TMEM114: variants seen among roughly 807,000 people sequenced by gnomAD.
TMEM114 encodes transmembrane protein 114.
In TMEM114, 6 loss-of-function variants were observed where a neutral mutation model predicts 6.2. That is an observed-to-expected ratio of 0.97 (90% confidence interval 0.53 to 1.91). TMEM114 has a LOEUF of 1.91. Ranked by LOEUF, TMEM114 falls within the 40% of genes most tolerant of loss-of-function variation. TMEM114 has a pLI of 0.01. For synonymous variants in TMEM114, 104 were observed against 73.0 expected, an observed-to-expected ratio of 1.42 and a Z score of -2.16; for missense variants, 218 against 158.3, an observed-to-expected ratio of 1.38 and a Z score of -2.02.
At chr16:8,540,595 G>A (rs921057184) in intron 2 of TMEM114, among the ~76,000 whole-genome samples, 3 of 132,674 alleles carry the variant, frequency 2.3e-5, no homozygotes, top group Non-Finnish European at 4.9e-5. Flanking sequence ...CTTGGGAGTT[G>A]ATAAGAACAG....
At chr16:8,551,345 T>C (rs573177060) in intron 2 of TMEM114, among the ~76,000 whole-genome samples, 1 of 152,282 alleles carries the variant, frequency 6.6e-6, no homozygotes. Flanking sequence ...GAATCCAAGC[T>C]CCAGCCCCTA....
the TMEM114 span, among the ~76,000 whole-genome samples, chr16:8,532,527 A>C: frequency 2.0e-5 from 3 of 152,194 alleles, no homozygotes; most frequent in Non-Finnish European, 1.5e-5. Flanking sequence ...CAAACACCTT[A>C]CTAAAATTAC....
intron 2 of TMEM114, among the ~76,000 whole-genome samples, chr16:8,579,377 T>C (rs1207232012): frequency 6.6e-6 from 1 of 152,210 alleles, no homozygotes; most frequent in Non-Finnish European, 1.5e-5. Context: ...ACCTTGTCAG[T>C]GTGACTTTGA....
downstream of TMEM114, among the ~76,000 whole-genome samples, chr16:8,535,644 C>G (rs1449082635): frequency 6.6e-6 from 1 of 152,156 alleles, no homozygotes; most frequent in South Asian, 2.1e-4. Flanking sequence ...AGGCACTGAT[C>G]TTATGAGTTC....
intron 2 of TMEM114, among the ~76,000 whole-genome samples, chr16:8,558,685 C>T (rs541010106): frequency 3.3e-5 from 5 of 152,132 alleles, no homozygotes; most frequent in African/African-American, 1.2e-4. Flanking sequence ...TTCACCCCAC[C>T]TCTCAGGGCC....
At chr16:8,573,068 T>C (rs1901789704) in intron 2 of TMEM114, among the ~76,000 whole-genome samples, 2 of 152,202 alleles carry the variant, frequency 1.3e-5, no homozygotes, top group African/African-American at 4.8e-5. Flanking sequence ...CTTTCTGGGT[T>C]TTGTTTTGTT....
the TMEM114 span, among the ~76,000 whole-genome samples, chr16:8,526,860 C>T: frequency 2.6e-5 from 4 of 152,216 alleles, no homozygotes; most frequent in African/African-American, 7.2e-5. Context: ...GGTGCTTTCC[C>T]ACCAACCCAT....
intron 2 of TMEM114, among the ~76,000 whole-genome samples, chr16:8,586,553 A>G (rs1404916467): frequency 6.6e-6 from 1 of 150,838 alleles, no homozygotes; most frequent in African/African-American, 2.4e-5. Context: ...TCTGTTGCCC[A>G]GACTGGAGTG....
At chr16:8,560,750 G>A (rs753855843) in intron 2 of TMEM114, among the ~76,000 whole-genome samples, 1 of 152,168 alleles carries the variant, frequency 6.6e-6, no homozygotes, top group Non-Finnish European at 1.5e-5. Context: ...CACTATGTCT[G>A]GGATCCCCCA....
At chr16:8,585,987 G>T (rs1175259858) in intron 2 of TMEM114, among the ~76,000 whole-genome samples, 1 of 152,216 alleles carries the variant, frequency 6.6e-6, no homozygotes, top group South Asian at 2.1e-4. Flanking sequence ...TGTGAGTTCT[G>T]CTCTGTCTCA....
chr16:8,552,883 G>A (rs376103314), intron 2 of TMEM114, among the ~76,000 whole-genome samples: 1 of 151,958 alleles, frequency 6.6e-6, no homozygotes, highest in Non-Finnish European at 1.5e-5. Flanking sequence ...AGGGCCCACC[G>A]AGCTGTGATT....
At chr16:8,544,713 G>A (rs1030299697) in intron 2 of TMEM114, among the ~76,000 whole-genome samples, 1 of 152,168 alleles carries the variant, frequency 6.6e-6, no homozygotes, top group African/African-American at 2.4e-5. Flanking sequence ...TAGTCTCAGT[G>A]CAAATTGACT....
At chr16:8,567,152 G>T (rs1188700976), downstream of TMEM114, among the ~76,000 whole-genome samples, 2 of 151,354 alleles carry the variant, frequency 1.3e-5, no homozygotes, top group African/African-American at 4.9e-5. Flanking sequence ...CAGGTGACCT[G>T]CCTGTCTTGG....
intron 2 of TMEM114, among the ~76,000 whole-genome samples, chr16:8,545,113 G>A (rs889100638): frequency 6.6e-6 from 1 of 151,944 alleles, no homozygotes; most frequent in South Asian, 2.1e-4. Flanking sequence ...CTTTCTAGTT[G>A]TTCTCTTCTT....
intron 2 of TMEM114, among the ~76,000 whole-genome samples, chr16:8,561,642 C>G (rs1567201618): frequency 1.3e-5 from 2 of 152,082 alleles, no homozygotes; most frequent in African/African-American, 4.8e-5. Flanking sequence ...ACTATATGAA[C>G]AAGTGAGTGA....
chr16:8,562,652 A>AG (rs1901297679), intron 2 of TMEM114, among the ~76,000 whole-genome samples: 2 of 138,824 alleles, frequency 1.4e-5, no homozygotes, highest in African/African-American at 5.3e-5. Context: ...AAGTGAATGA[A>AG]TGAGTCAATG....
rs77076035 is a variant in TMEM114, at chr16:8,549,599, T to G, written n.213-11773A>C. Among the ~76,000 whole-genome samples, 1,500 of 152,216 alleles carry G rather than the reference T, an allele frequency of 9.9e-3. 30 individuals carry two copies. The highest frequency in any genetic ancestry group is 0.034 in the African/African-American group (1,398 of 41,534). On this transcript the variant is annotated intron_variant and non_coding_transcript_variant, in intron 2 of 2. Transcript: ENST00000623677. ...ATACATTCTGTTTAAAGTTCAACCT[T>G]TTATTCCAAGATATCATGTTTTCCT...
chr16:8,543,151 C>T (rs183856730), intron 2 of TMEM114, among the ~76,000 whole-genome samples: 1 of 152,142 alleles, frequency 6.6e-6, no homozygotes, highest in Non-Finnish European at 1.5e-5. Flanking sequence ...GGCCTCATAG[C>T]AAAGAAACTT....
At chr16:8,579,435 G>C (rs1902058594) in intron 2 of TMEM114, among the ~76,000 whole-genome samples, 1 of 152,098 alleles carries the variant, frequency 6.6e-6, no homozygotes. Context: ...TGCCTGGTAA[G>C]GCAGTAGCTT....
Sources: allele counts gnomAD v4.1 joint callset (sites outside exome capture counted in the v4.1 genomes callset), GRCh38; gene constraint gnomAD v4.1.1; transcripts MANE v1.5; gene names NCBI Gene and HGNC (gene_info 2026-07-23, HGNC 2026-07-21).